Variants in STOX2 observed in about 807,000 individuals in gnomAD.
STOX2 encodes storkhead-box protein 2.
In STOX2, 28 loss-of-function variants were observed where a neutral mutation model predicts 60.9. The observed-to-expected ratio is 0.46, with a 90% CI of 0.34 to 0.63. The LOEUF (loss-of-function observed/expected upper bound fraction) is 0.63. Ranked by LOEUF, STOX2 falls within the 30% of genes least tolerant of loss-of-function variation. The pLI is 0.01. For synonymous variants in STOX2, 472 were observed against 463.9 expected, an observed-to-expected ratio of 1.02 and a Z score of -0.22; for missense variants, 1,024 against 1,187.7, an observed-to-expected ratio of 0.86 and a Z score of 2.03.
At position 184,010,881 on chromosome 4, in the gene STOX2, C is replaced by T. The variant is rs764016420; in HGVS notation, c.2043C>T (p.Val681=). ...AAGGGATCGCCAACGGACGCCTCGT[C>T]CAGCACCATGGTGCCGAGCCCAGCA... The part of the protein sequence containing the change: ...VAEGIANGRL[V]QHHGAEPSSL... The change falls in exon 3 of 4, where the codon GTC becomes GTT. Residue 681 remains valine (V), a synonymous_variant. Transcript: ENST00000308497. This position sits in a 1 kb window ranked among gnomAD's most constrained non-coding sequence, Gnocchi z 4.5. 6.2e-7 allele frequency: 1 copy of T among 1,612,010 alleles called. No homozygotes were observed. Among genetic ancestry groups the T allele is most frequent in the Non-Finnish European group, 8.5e-7 (1 of 1,179,006 alleles).
chr4:183,881,040 G>A (rs537859446), intron 1 of STOX2, among the ~76,000 whole-genome samples: 32 of 152,302 alleles, frequency 2.1e-4, no homozygotes, highest in African/African-American at 7.5e-4. Context: ...CTGTAGGGTG[G>A]TACAGGTCTC....
chr4:184,014,017 G>A (rs1734263459), intron 3 of STOX2: 1 of 151,416 alleles, frequency 6.6e-6, no homozygotes, highest in African/African-American at 2.4e-5. Context: ...TTATAGGCAT[G>A]AGCCACCATG....
At chr4:183,866,390 T>C (rs938532581) in intron 1 of STOX2, among the ~76,000 whole-genome samples, 1 of 152,222 alleles carries the variant, frequency 6.6e-6, no homozygotes, top group African/African-American at 2.4e-5. Flanking sequence ...ATGGAGAACC[T>C]GTTCTGGCAT....
At position 183,985,938 on chromosome 4, in the gene STOX2, T is replaced by C. The variant is rs1732821229; in HGVS notation, c.167-15387T>C. On this transcript the variant is annotated intron_variant, in intron 1 of 3. Coordinates refer to ENST00000308497, the MANE Select transcript of STOX2 (RefSeq NM_020225.3). ...ATGGGCTGGATTACATGGGTTTGGG[T>C]GGATTTATATCCAACAACACAGCCA... Among the ~76,000 whole-genome samples the C allele has an allele frequency of 2.0e-5, 3 of 152,236 alleles. No homozygotes were observed. In the South Asian group the frequency reaches 6.2e-4, roughly 32 times the overall value.
At chr4:183,924,049 T>A (rs748612711) in intron 1 of STOX2, among the ~76,000 whole-genome samples, 4 of 152,200 alleles carry the variant, frequency 2.6e-5, no homozygotes, top group Non-Finnish European at 4.4e-5. Flanking sequence ...CAGAACTTTA[T>A]ATTTTCAAAG....
chr4:183,975,504 G>A (rs1732413083), intron 1 of STOX2, among the ~76,000 whole-genome samples: 1 of 151,986 alleles, frequency 6.6e-6, no homozygotes, highest in African/African-American at 2.4e-5. Flanking sequence ...TATCACTATA[G>A]TCCCCACAAA....
intron 1 of STOX2, among the ~76,000 whole-genome samples, chr4:183,996,781 T>A (rs1171347559): frequency 6.8e-6 from 1 of 147,958 alleles, no homozygotes; most frequent in Non-Finnish European, 1.5e-5. Flanking sequence ...TATATAATAG[T>A]TGTGTTATAA....
At chr4:183,823,798 G>A (rs72693697) in intron 1 of STOX2, among the ~76,000 whole-genome samples, 4 of 152,302 alleles carry the variant, frequency 2.6e-5, no homozygotes, top group African/African-American at 7.2e-5. Flanking sequence ...CTTTCCTGGC[G>A]TTTTCCTTGG....
At chr4:183,946,396 G>A (rs567125518) in intron 1 of STOX2, among the ~76,000 whole-genome samples, 3 of 152,174 alleles carry the variant, frequency 2.0e-5, no homozygotes, top group South Asian at 2.1e-4. Context: ...GTCATGCCTC[G>A]GTGTCCATGA....
intron 1 of STOX2, among the ~76,000 whole-genome samples, chr4:183,842,659 T>C (rs1245793973): frequency 6.6e-6 from 1 of 152,226 alleles, no homozygotes; most frequent in Non-Finnish European, 1.5e-5. Flanking sequence ...CCATGTTGGC[T>C]GCCTATGTTT....
At chr4:183,974,326 G>A (rs1259249554) in intron 1 of STOX2, among the ~76,000 whole-genome samples, 1 of 151,802 alleles carries the variant, frequency 6.6e-6, no homozygotes, top group Non-Finnish European at 1.5e-5. Context: ...AACAAAATGA[G>A]GGAAGAAACC....
intron 1 of STOX2, among the ~76,000 whole-genome samples, chr4:183,805,930 CA>C (rs1169325745): frequency 1.3e-5 from 2 of 152,206 alleles, no homozygotes; most frequent in Non-Finnish European, 2.9e-5. Flanking sequence ...TGGACACTAC[CA>C]AGGGCCAGAG....
rs1162071732 is a variant in STOX2, at chr4:184,009,422, A to G, written c.584A>G (p.His195Arg). 9 of 1,613,940 alleles carry G rather than the reference A, an allele frequency of 5.6e-6. No homozygotes were observed. The highest frequency in any genetic ancestry group is 7.6e-6 in the Non-Finnish European group (9 of 1,179,866). ...CVRERTLPRN[H>R]CDSCHCCRED... ...AGGGAAAGGACATTGCCCCGAAACC[A>G]CTGCGACTCTTGCCACTGCTGCAGA... Residue 195 changes from histidine (H) to arginine (R), a missense_variant, in exon 3 of 4, where the codon CAC (histidine) becomes CGC (arginine). Coordinates refer to ENST00000308497, the MANE Select transcript of STOX2 (RefSeq NM_020225.3). This position sits in a 1 kb window ranked among gnomAD's most constrained non-coding sequence, Gnocchi z 4.0.
intron 1 of STOX2, among the ~76,000 whole-genome samples, chr4:183,945,223 T>C (rs541249872): frequency 1.8e-4 from 28 of 152,268 alleles, no homozygotes; most frequent in African/African-American, 6.0e-4. Flanking sequence ...AGCTCTTTGG[T>C]ATTTTAAAAA....
At chr4:183,993,881 G>GC (rs1170014002) in intron 1 of STOX2, among the ~76,000 whole-genome samples, 1 of 152,190 alleles carries the variant, frequency 6.6e-6, no homozygotes, top group Admixed American at 6.5e-5. Flanking sequence ...CGTCTGCTCT[G>GC]CCCCCACCAG....
rs188752244 is a variant in STOX2 at position 183,825,913 on chromosome 4, G to C, written c.364+27858G>C. ...AATGATGGGGAGAAGGCGCGAGAAG[G>C]GTCGTTGGCTGTGAGCTGAAAATCG... is the stretch of plus-strand genomic sequence containing the variant. On this transcript the variant is annotated intron_variant, in intron 1 of 2. Transcript: ENST00000513034. The surrounding 1 kb of genome is among the most constrained non-coding windows in gnomAD (Gnocchi z 4.1). Among the ~76,000 whole-genome samples, 19 of 152,268 alleles carry C rather than the reference G, an allele frequency of 1.2e-4. No homozygotes were observed. The highest frequency in any genetic ancestry group is 4.6e-4 in the African/African-American group (19 of 41,542).
At chr4:184,013,022 C>T (rs1332723089) in intron 3 of STOX2, among the ~76,000 whole-genome samples, 1 of 152,120 alleles carries the variant, frequency 6.6e-6, no homozygotes, top group Non-Finnish European at 1.5e-5. Context: ...GTGTATTTGC[C>T]TGTGTCTTTC....
intron 1 of STOX2, among the ~76,000 whole-genome samples, chr4:183,887,114 A>G (rs79038782): frequency 1.4e-3 from 211 of 152,204 alleles, no homozygotes; most frequent in African/African-American, 4.5e-3. Flanking sequence ...CAAAAAAAAA[A>G]TTAGTCTGGC....
At chr4:183,970,976 T>G (rs1335693819) in intron 1 of STOX2, among the ~76,000 whole-genome samples, 1 of 152,210 alleles carries the variant, frequency 6.6e-6, no homozygotes, top group Non-Finnish European at 1.5e-5. Context: ...TTGGAGCTCT[T>G]TTTAGTATAA....
Sources: allele counts gnomAD v4.1 joint callset (sites outside exome capture counted in the v4.1 genomes callset), GRCh38; gene constraint gnomAD v4.1.1; non-coding constraint Gnocchi (gnomAD v3.1); transcripts MANE v1.5; gene names NCBI Gene and HGNC (gene_info 2026-07-23, HGNC 2026-07-21).